Variants in CADM2 observed in about 807,000 individuals in gnomAD.
CADM2 encodes cell adhesion molecule 2, also known as immunoglobulin superfamily member 4D.
Under a neutral mutation model 49.8 loss-of-function variants are expected in CADM2, and 12 were observed. The ratio of observed to expected loss-of-function variants is 0.24; its 90% CI spans 0.15 to 0.39. CADM2 has a LOEUF of 0.39. Among genes scored for constraint, CADM2 ranks in the 10% least tolerant of loss-of-function variants. CADM2 has a pLI of 1.00. For missense variants in CADM2, 378 were observed against 492.3 expected (o/e 0.77, Z 2.20); for synonymous variants, 214 against 175.4 (o/e 1.22, Z -1.74).
chr3:85,693,983 A>G (rs565293886), intron 1 of CADM2, among the ~76,000 whole-genome samples: 1 of 152,186 alleles, frequency 6.6e-6, no homozygotes, highest in South Asian at 2.1e-4. Flanking sequence ...AAAAATGCAT[A>G]TAAAGAATAG....
chr3:85,377,996 A>G (rs1319482716), intron 1 of CADM2, among the ~76,000 whole-genome samples: 2 of 152,052 alleles, frequency 1.3e-5, no homozygotes, highest in Non-Finnish European at 2.9e-5. Flanking sequence ...CTAAATGAAT[A>G]GTATGGTAAT....
At chr3:85,097,046 TG>T (rs2037826210) in intron 1 of CADM2, among the ~76,000 whole-genome samples, 1 of 152,118 alleles carries the variant, frequency 6.6e-6, no homozygotes, top group South Asian at 2.1e-4. Context: ...ATGTGCACAA[TG>T]TGCAGGTTTG....
At chr3:85,162,066 C>T (rs2040343670) in intron 1 of CADM2, among the ~76,000 whole-genome samples, 1 of 151,818 alleles carries the variant, frequency 6.6e-6, no homozygotes, top group South Asian at 2.1e-4. Flanking sequence ...GTCTTTTAAC[C>T]GTCAGTGATT....
intron 1 of CADM2, among the ~76,000 whole-genome samples, chr3:85,708,312 A>G (rs2107730136): frequency 6.6e-6 from 1 of 152,242 alleles, no homozygotes; most frequent in South Asian, 2.1e-4. Flanking sequence ...CTTTATTTAC[A>G]AATATTTAGA....
intron 1 of CADM2, among the ~76,000 whole-genome samples, chr3:85,137,252 T>A (rs1327222293): frequency 1.3e-5 from 2 of 152,024 alleles, no homozygotes; most frequent in Admixed American, 6.5e-5. Flanking sequence ...TAGTTATTTT[T>A]AAATCTAACA....
intron 1 of CADM2, among the ~76,000 whole-genome samples, chr3:85,692,577 T>C (rs2066418572): frequency 6.6e-6 from 1 of 152,198 alleles, no homozygotes; most frequent in African/African-American, 2.4e-5. Context: ...ACTTTTCCTA[T>C]AGTTTTAATA....
At chr3:85,601,157 TATATATATATATATATAC>T (rs1270797366) in intron 1 of CADM2, among the ~76,000 whole-genome samples, 14 of 106,402 alleles carry the variant, frequency 1.3e-4, no homozygotes, top group Admixed American at 3.9e-4. Flanking sequence ...TATATATATA[TATATATATATATATATAC>T]ACACACACAC....
At chr3:85,400,898 A>G (rs1397354327) in intron 1 of CADM2, among the ~76,000 whole-genome samples, 1 of 151,624 alleles carries the variant, frequency 6.6e-6, no homozygotes, top group Non-Finnish European at 1.5e-5. Flanking sequence ...CCTTACCTCA[A>G]CTCCTCCTTT....
intron 1 of CADM2, among the ~76,000 whole-genome samples, chr3:85,311,076 T>C (rs143689579): frequency 4.9e-4 from 75 of 152,230 alleles, no homozygotes; most frequent in African/African-American, 1.8e-3. Context: ...ACTTTTTCAG[T>C]ATCAATTGAC....
At chr3:85,676,525 G>A (rs1037208117) in intron 1 of CADM2, among the ~76,000 whole-genome samples, 2 of 151,828 alleles carry the variant, frequency 1.3e-5, no homozygotes, top group African/African-American at 4.8e-5. Context: ...TGTAACATAG[G>A]ACAGACTGGT....
intron 1 of CADM2, among the ~76,000 whole-genome samples, chr3:85,279,262 T>C (rs1249722810): frequency 6.6e-6 from 1 of 151,584 alleles, no homozygotes; most frequent in Non-Finnish European, 1.5e-5. Context: ...GTTGTTAACC[T>C]TTCCACAGAA....
intron 1 of CADM2, among the ~76,000 whole-genome samples, chr3:84,974,215 C>T (rs901852474): frequency 5.5e-4 from 81 of 146,746 alleles, no homozygotes; most frequent in African/African-American, 1.9e-3. Flanking sequence ...AATAGACAAG[C>T]GAACTCTGTA....
chr3:85,778,685 T>A (rs1476719453), intron 2 of CADM2, among the ~76,000 whole-genome samples: 3 of 152,180 alleles, frequency 2.0e-5, no homozygotes, highest in Non-Finnish European at 2.9e-5. Flanking sequence ...TATTTCTTCA[T>A]AGAAATGTGA....
intron 1 of CADM2, among the ~76,000 whole-genome samples, chr3:85,686,795 C>T (rs2066230312): frequency 6.6e-6 from 1 of 152,156 alleles, no homozygotes; most frequent in South Asian, 2.1e-4. Context: ...TTTGGAGAGT[C>T]TAATCAGAAA....
At chr3:86,057,291 T>G (rs2107366090) in intron 8 of CADM2, among the ~76,000 whole-genome samples, 1 of 152,264 alleles carries the variant, frequency 6.6e-6, no homozygotes, top group African/African-American at 2.4e-5. Context: ...AGAATTATTC[T>G]TTTTAAATAG....
chr3:85,997,388 G>A (rs562916613), intron 8 of CADM2, among the ~76,000 whole-genome samples: 52 of 152,202 alleles, frequency 3.4e-4, no homozygotes, highest in African/African-American at 1.2e-3. Context: ...TATGGATATG[G>A]AGCTGTTAGT....
chr3:85,940,406 A>T (rs1721751042), intron 7 of CADM2, among the ~76,000 whole-genome samples: 1 of 152,052 alleles, frequency 6.6e-6, no homozygotes, highest in Non-Finnish European at 1.5e-5. Flanking sequence ...ACCTTTTTAC[A>T]AATCACAGGT....
rs1436495025 is a variant in CADM2 at position 86,071,086 on chromosome 3, A to G, written c.*4303A>G. The G allele has an allele frequency of 6.6e-6, 1 of 151,938 alleles. No homozygotes were observed. Among genetic ancestry groups the G allele is most frequent in the East Asian group, 1.9e-4 (1 of 5,188 alleles). The allele number at this position is 151,938 out of a possible 1,614,324, so 9.4% of individuals were successfully genotyped here. A position where few individuals can be genotyped will look rare whatever the true frequency, so the allele number is the denominator to read the frequency against. On this transcript the variant is annotated 3_prime_UTR_variant, in exon 10 of 10. Coordinates refer to ENST00000383699, the MANE Select transcript of CADM2 (RefSeq NM_001167675.2). ...TTTTTCTTATTAATGTGACACAGTA[A>G]CATTTTTATTTGGATTAGTTTTTGG...
chr3:85,779,067 GC>G (rs1341542453), intron 2 of CADM2, among the ~76,000 whole-genome samples: 2 of 152,090 alleles, frequency 1.3e-5, no homozygotes, highest in South Asian at 2.1e-4. Flanking sequence ...TTTGCTTTAA[GC>G]CATTGTCCAA....
Sources: gnomAD v4.1 joint callset for allele counts (sites outside exome capture counted in the v4.1 genomes callset) on GRCh38, gnomAD v4.1.1 for gene constraint, MANE v1.5 for transcripts, NCBI Gene and HGNC (gene_info 2026-07-23, HGNC 2026-07-21) for gene names.